AFF2: variants seen among roughly 807,000 people sequenced by gnomAD.
AFF2 encodes ALF transcription elongation factor 2.
Under a neutral mutation model 76.9 loss-of-function variants are expected in AFF2, and 14 were observed. The ratio of observed to expected loss-of-function variants is 0.18; its 90% CI spans 0.12 to 0.28. The LOEUF is 0.28. Ranked by LOEUF, AFF2 falls within the 10% of genes least tolerant of loss-of-function variation. AFF2 has a pLI of 1.00. For missense variants in AFF2, 868 were observed against 1,001.1 expected (o/e 0.87, Z 1.79); for synonymous variants, 398 against 366.7 (o/e 1.09, Z -0.98).
intron 1 of AFF2, among the ~76,000 whole-genome samples, chrX:148,568,448 C>A (rs2053193386): frequency 1.8e-5 from 2 of 111,893 alleles, no homozygotes; most frequent in Admixed American, 1.9e-4. Context: ...CAATCAAATT[C>A]CAAAGCAAAT....
chrX:148,529,807 G>T (rs1440659999), intron 1 of AFF2, among the ~76,000 whole-genome samples: 2 of 111,730 alleles, frequency 1.8e-5, no homozygotes, highest in African/African-American at 6.5e-5. Context: ...CCAGATGGTT[G>T]TAACGATTAT....
chrX:148,646,552 G>A (rs1557255462), intron 1 of AFF2, among the ~76,000 whole-genome samples: 1 of 112,050 alleles, frequency 8.9e-6, no homozygotes, highest in Admixed American at 9.4e-5. Context: ...CTGGACTATT[G>A]ATGTCTACAT....
intron 3 of AFF2, among the ~76,000 whole-genome samples, chrX:148,796,549 C>A (rs973867052): frequency 8.9e-6 from 1 of 112,025 alleles, no homozygotes; most frequent in Non-Finnish European, 1.9e-5. Context: ...TTAGACAATG[C>A]GAAAGTAAGT....
chrX:148,816,319 A>C (rs1176262393), intron 4 of AFF2, among the ~76,000 whole-genome samples: 1 of 111,731 alleles, frequency 9.0e-6, no homozygotes, highest in Middle Eastern at 4.2e-3. Flanking sequence ...AGGAAAGAAT[A>C]AAACAAGGCT....
chrX:148,670,855 G>T (rs55769228), intron 3 of AFF2, among the ~76,000 whole-genome samples: 75 of 111,654 alleles, frequency 6.7e-4, no homozygotes, highest in Admixed American at 1.5e-3. Flanking sequence ...TTCTTCCCTT[G>T]GAGTCCTTGT....
At chrX:148,596,390 C>A (rs1411280144) in intron 1 of AFF2, among the ~76,000 whole-genome samples, 1 of 112,021 alleles carries the variant, frequency 8.9e-6, no homozygotes, top group African/African-American at 3.2e-5. Context: ...GTGTGACTGC[C>A]TAGTCAAGGG....
In AFF2 at chrX:148,936,876, A is replaced by C. The variant is rs1055124100; in HGVS notation, c.1398-16704A>C. 1.9e-4 allele frequency among the ~76,000 whole-genome samples: 21 copies of C among 112,217 alleles called. 2 individuals carry two copies. In the Admixed American group the frequency reaches 1.9e-3, roughly 10 times the overall value. ...CAGTACGTAAGAGCTTCAGTATATC[A>C]AGGGAAAATGCAAAGTCATTGAATA... On this transcript the variant is annotated intron_variant, in intron 9 of 20. Transcript: ENST00000370460.
chrX:148,811,714 C>G (rs1418593024), intron 4 of AFF2, among the ~76,000 whole-genome samples: 2 of 111,758 alleles, frequency 1.8e-5, no homozygotes, highest in African/African-American at 6.5e-5. Context: ...TAAAAGCAAC[C>G]CAGCCCTGGT....
At chrX:148,521,242 C>T (rs1557234432) in intron 1 of AFF2, among the ~76,000 whole-genome samples, 1 of 111,129 alleles carries the variant, frequency 9.0e-6, no homozygotes, top group Non-Finnish European at 1.9e-5. Context: ...CCTGTGACAA[C>T]ACAGAGGACT....
chrX:148,697,763 T>G (rs2054738037), intron 3 of AFF2, among the ~76,000 whole-genome samples: 1 of 111,748 alleles, frequency 8.9e-6, no homozygotes, highest in African/African-American at 3.2e-5. Context: ...AGGTCATGGG[T>G]CTGCAAGCAC....
intron 1 of AFF2, among the ~76,000 whole-genome samples, chrX:148,526,377 T>G (rs2052660163): frequency 9.5e-6 from 1 of 105,786 alleles, no homozygotes; most frequent in Non-Finnish European, 2.0e-5. Flanking sequence ...TTTTTTTTTT[T>G]TTTTTTTTTT....
chrX:148,746,641 C>T (rs902138955), intron 3 of AFF2, among the ~76,000 whole-genome samples: 2 of 112,778 alleles, frequency 1.8e-5, no homozygotes, highest in Non-Finnish European at 3.7e-5. Flanking sequence ...TTTGTCAATT[C>T]TCCCATTCAT....
intron 3 of AFF2, among the ~76,000 whole-genome samples, chrX:148,779,475 T>A (rs1326250739): frequency 1.1e-4 from 12 of 111,821 alleles, no homozygotes; most frequent in African/African-American, 3.6e-4. Flanking sequence ...TGTGTGGGAG[T>A]CTAAGTCTCT....
At chrX:148,955,101 C>T (rs782200313) in intron 10 of AFF2, among the ~76,000 whole-genome samples, 2 of 112,731 alleles carry the variant, frequency 1.8e-5, no homozygotes, top group South Asian at 7.3e-4. Flanking sequence ...GATTTGTTTG[C>T]AGGGAATGAC....
At chrX:148,537,767 A>G (rs962774469) in intron 1 of AFF2, among the ~76,000 whole-genome samples, 1 of 111,001 alleles carries the variant, frequency 9.0e-6, no homozygotes, top group Non-Finnish European at 1.9e-5. Context: ...GGAGGTCAGG[A>G]TAATGATGCT....
chrX:148,994,433 GTTAA>G lies in AFF2; in HGVS notation c.*3105_*3108del, dbSNP rs1368399225. 1 of 112,423 alleles carries G rather than the reference GTTAA, an allele frequency of 8.9e-6. No homozygotes were observed. The highest frequency in any genetic ancestry group is 1.9e-5 in the Non-Finnish European group (1 of 53,275). The allele number at this position is 112,423 out of a possible 1,213,427, so 9.3% of individuals were successfully genotyped here. On this transcript the variant is annotated 3_prime_UTR_variant, in exon 21 of 21. Transcript: ENST00000370460. ...CATGTTGTTAGCCAGCCTGTAGACT[GTTAA>G]TTACTTAATAATCTCATTGGGAAAA...
chrX:148,754,749 G>A, intron 3 of AFF2, among the ~76,000 whole-genome samples: 1 of 111,457 alleles, frequency 9.0e-6, no homozygotes, highest in Non-Finnish European at 1.9e-5. Context: ...GCTGAAAAGT[G>A]GTGACTTGTG....
At chrX:148,846,969 C>T (rs782128898) in intron 7 of AFF2, among the ~76,000 whole-genome samples, 5 of 111,315 alleles carry the variant, frequency 4.5e-5, no homozygotes, top group East Asian at 5.7e-4. Flanking sequence ...GGCAGGATCT[C>T]GGCTCACTGC....
chrX:148,850,406 A>G (rs2070718589), intron 7 of AFF2, among the ~76,000 whole-genome samples: 1 of 111,874 alleles, frequency 8.9e-6, no homozygotes, highest in African/African-American at 3.2e-5. Context: ...AGCATTTTTA[A>G]ACAGTAACTG....
Sources: allele counts gnomAD v4.1 joint callset (sites outside exome capture counted in the v4.1 genomes callset), GRCh38; gene constraint gnomAD v4.1.1; transcripts MANE v1.5; gene names NCBI Gene and HGNC (gene_info 2026-07-23, HGNC 2026-07-21).